Variants in LRRC43 observed in about 807,000 individuals in gnomAD.
The protein encoded by LRRC43 is leucine-rich repeat-containing protein 43.
In LRRC43, 62 loss-of-function variants were observed where a neutral mutation model predicts 64.3. The observed-to-expected ratio is 0.96, with a 90% CI of 0.79 to 1.19. The LOEUF is 1.19. Ranked by LOEUF, LRRC43 falls within the 50% of genes most tolerant of loss-of-function variation. The probability of loss-of-function intolerance (pLI) is 0.00; values close to 1 mark genes in which losing one functional copy is unlikely to be tolerated. For missense variants in LRRC43, 868 were observed against 845.0 expected (o/e 1.03, Z -0.34); for synonymous variants, 422 against 382.3 (o/e 1.10, Z -1.21).
chr12:122,187,011 A>C (rs1953652759), intron 3 of LRRC43, among the ~76,000 whole-genome samples: 1 of 152,138 alleles, frequency 6.6e-6, no homozygotes, highest in Admixed American at 6.6e-5. Flanking sequence ...AGGTGGGCAG[A>C]TTGCCTGTTC....
At chr12:122,176,140 C>T (rs911306845) in intron 1 of LRRC43, among the ~76,000 whole-genome samples, 3 of 152,174 alleles carry the variant, frequency 2.0e-5, no homozygotes, top group African/African-American at 7.2e-5. Flanking sequence ...TGGAGAGTGA[C>T]GGGCAGGATA....
At chr12:122,183,444 G>T in intron 1 of LRRC43, 150 bp downstream of exon 1, 1 of 935,390 alleles carries the variant, frequency 1.1e-6, no homozygotes, top group Non-Finnish European at 1.5e-6. Flanking sequence ...TGAGGGTGAC[G>T]GTGGGGCCCG....
chr12:122,177,484 T>TAA (rs1298105526), intron 1 of LRRC43, among the ~76,000 whole-genome samples: 1 of 111,680 alleles, frequency 9.0e-6, no homozygotes, highest in Non-Finnish European at 1.9e-5. Context: ...AAAGTGTGTG[T>TAA]GTGTGTGTGT....
upstream of LRRC43, among the ~76,000 whole-genome samples, chr12:122,182,780 C>G (rs1259131443): frequency 6.6e-6 from 1 of 152,132 alleles, no homozygotes; most frequent in Non-Finnish European, 1.5e-5. Context: ...ATCCCTGACT[C>G]CAGGGTTAGA....
Position 122,203,416 on chromosome 12 carries a change from G to A in LRRC43, c.1945G>A (p.Glu649Lys). ...IQLNQCRSAE[E>K]ALRMFAV is the part of the protein sequence containing the mutation. ...GCTGAACCAGTGCCGCTCGGCGGAG[G>A]AGGCTCTGCGCATGTTCGCCGTGTA... The change falls in exon 12 of 12, where the codon GAG (glutamate) becomes AAG (lysine). Residue 649 changes from glutamate (E) to lysine (K), a missense_variant. Physicochemically the swap from Glu to Lys is moderately conservative, Grantham distance 56. Transcript: ENST00000339777. 1 of 1,612,058 alleles carries A rather than the reference G, an allele frequency of 6.2e-7. No individual in the cohort carries two copies. Among genetic ancestry groups the A allele is most frequent in the South Asian group, 1.1e-5 (1 of 90,872 alleles).
chr12:122,203,460 C>T lies in LRRC43; in HGVS notation c.*18C>T, dbSNP rs1199307235. ...CCGTGTAGGGCGTGGGCAGTAAAGG[C>T]TGTTCCCAGCACTCCCGCCTCCGCT... is the stretch of plus-strand genomic sequence containing the variant. On this transcript the variant is annotated 3_prime_UTR_variant, in exon 12 of 12. Coordinates refer to ENST00000339777, the MANE Select transcript of LRRC43 (RefSeq NM_001098519.2). 46 of 1,595,564 alleles carry T rather than the reference C, an allele frequency of 2.9e-5. No individual in the cohort carries two copies. The Admixed American group carries it at 7.3e-4, about 25-fold the overall frequency.
intron 7 of LRRC43, among the ~76,000 whole-genome samples, chr12:122,198,224 T>G (rs1465018416): frequency 6.6e-6 from 1 of 152,150 alleles, no homozygotes; most frequent in African/African-American, 2.4e-5. Context: ...TGACCTTAAG[T>G]GATTCATCTG....
upstream of LRRC43, chr12:122,183,039 C>G (rs1460477175): frequency 1.4e-6 from 2 of 1,434,778 alleles, no homozygotes; most frequent in Non-Finnish European, 9.1e-7. Context: ...GCCAGGCTGT[C>G]TGATCCGGAT....
At chr12:122,186,006 T>C (rs1490139430) in intron 2 of LRRC43, among the ~76,000 whole-genome samples, 184 bp from the exon 3 acceptor site, 1 of 150,980 alleles carries the variant, frequency 6.6e-6, no homozygotes, top group Non-Finnish European at 1.5e-5. Context: ...GGATGGAGGT[T>C]GGGAGAGGCT....
intron 1 of LRRC43, chr12:122,172,337 A>T: frequency 9.5e-7 from 1 of 1,051,900 alleles, no homozygotes; most frequent in Non-Finnish European, 1.4e-6. Context: ...ATCACGGCAG[A>T]GTTCCCACAC....
rs1012460173 is a variant in LRRC43, at chr12:122,198,623, C to CTTTT, written c.1350-1546_1350-1543dup. Among the ~76,000 whole-genome samples the CTTTT allele has an allele frequency of 3.7e-3, 370 of 100,476 alleles. 10 individuals are homozygous for CTTTT. Among genetic ancestry groups the CTTTT allele is most frequent in the African/African-American group, 0.016 (339 of 21,294 alleles). 65.9% of individuals were successfully genotyped at this position (100,476 alleles called of 152,430 possible). On this transcript the variant is annotated intron_variant, in intron 7 of 11. Coordinates refer to ENST00000339777, the MANE Select transcript of LRRC43 (RefSeq NM_001098519.2). ...TGTAATAAGTATCAGTGCTTCATTC[C>CTTTT]TTTTTTTTTTTTTTTTTTTTTTTGA...
chr12:122,199,781 G>C (rs1037719214), intron 7 of LRRC43, among the ~76,000 whole-genome samples: 7 of 151,946 alleles, frequency 4.6e-5, no homozygotes, highest in African/African-American at 1.7e-4. Context: ...ACGGGGTCTC[G>C]ATATGTTGCC....
In LRRC43 at chr12:122,189,697, C is replaced by T. The variant is rs568428468; in HGVS notation, c.663-433C>T. 1.8e-3 allele frequency among the ~76,000 whole-genome samples: 271 copies of T among 152,266 alleles called. 1 individual carries two copies. The highest frequency in any genetic ancestry group is 6.8e-3 in the Middle Eastern group (2 of 294). On this transcript the variant is annotated intron_variant, in intron 4 of 11. Coordinates refer to ENST00000339777, the MANE Select transcript of LRRC43 (RefSeq NM_001098519.2). Reference sequence around the variant, plus strand: ...AGCCTCTGGCTCCCTCCTCCCACTCCCCAGCATCAACCCCACTCCTGCCCT... The same window carrying T: ...AGCCTCTGGCTCCCTCCTCCCACTCTCCAGCATCAACCCCACTCCTGCCCT...
upstream of LRRC43, among the ~76,000 whole-genome samples, chr12:122,179,709 A>G (rs1019548651): frequency 9.9e-5 from 15 of 152,134 alleles, no homozygotes; most frequent in Non-Finnish European, 4.4e-5. Context: ...GCGGTGGCTC[A>G]CACCTGTAAT....
chr12:122,202,400 C>CCAAATAAATT (rs1251347726), intron 11 of LRRC43: 1 of 152,060 alleles, frequency 6.6e-6, no homozygotes, highest in Non-Finnish European at 1.5e-5. Context: ...TTTAATATTA[C>CCAAATAAATT]ACCAAATTTG....
At chr12:122,171,679 G>A (rs1013555718) in intron 1 of LRRC43, among the ~76,000 whole-genome samples, 10 of 151,720 alleles carry the variant, frequency 6.6e-5, no homozygotes, top group Non-Finnish European at 1.0e-4. Context: ...CATCACCATC[G>A]CCATTTCCAG....
intron 1 of LRRC43, chr12:122,172,268 C>T (rs1046157101): frequency 3.0e-5 from 19 of 626,778 alleles, no homozygotes; most frequent in African/African-American, 9.2e-5. Flanking sequence ...TCAGCCCTCC[C>T]GGGACTAGCC....
chr12:122,192,835 G>A lies in LRRC43; in HGVS notation c.1180G>A (p.Val394Ile). 1 of 1,614,160 alleles carries A rather than the reference G, an allele frequency of 6.2e-7. No homozygotes were observed. The highest frequency in any genetic ancestry group is 8.5e-7 in the Non-Finnish European group (1 of 1,180,022). Residue 394 changes from valine (V) to isoleucine (I), a missense_variant, in exon 7 of 12, where the codon GTT (valine) becomes ATT (isoleucine). Transcript: ENST00000339777. ...CGTCATCGAAGACATTGTTGAAGAG[G>A]TTACTGAAGAGGTCGAAGGGTCTCT... ...EDVIEDIVEEVTEEVEGSLES... is the reference protein window; with the variant it reads ...EDVIEDIVEEITEEVEGSLES...
Position 122,189,974 on chromosome 12 carries a change from G to A in LRRC43, c.663-156G>A, listed in dbSNP as rs141814942. 2,017 of 701,112 alleles carry A rather than the reference G, an allele frequency of 2.9e-3. 26 individuals are homozygous for A. Among genetic ancestry groups the A allele is most frequent in the South Asian group, 0.024 (1,459 of 61,254 alleles). 43.4% of individuals were successfully genotyped at this position (701,112 alleles called of 1,614,324 possible). On this transcript the variant is annotated intron_variant, in intron 4 of 11. Transcript: ENST00000339777. ...GATGAAGAGCCAGGCACTCGTTCCC[G>A]ACCCGGGGTTAACTTGGGTCAAGGG...
Sources: allele counts gnomAD v4.1 joint callset (sites outside exome capture counted in the v4.1 genomes callset), GRCh38; gene constraint gnomAD v4.1.1; transcripts MANE v1.5; gene names NCBI Gene and HGNC (gene_info 2026-07-23, HGNC 2026-07-21).